DPF3: variants seen among roughly 807,000 people sequenced by gnomAD.
The protein encoded by DPF3 is double PHD fingers 3.
Under a neutral mutation model 56.8 loss-of-function variants are expected in DPF3, and 18 were observed. The ratio of observed to expected loss-of-function variants is 0.32; its 90% CI spans 0.22 to 0.47. The LOEUF is 0.47. Among genes scored for constraint, DPF3 ranks in the 20% least tolerant of loss-of-function variants. The pLI is 1.00. For missense variants in DPF3, 403 were observed against 488.8 expected (o/e 0.82, Z 1.65); for synonymous variants, 188 against 180.2 (o/e 1.04, Z -0.35).
chr14:72,798,845 C>T (rs747987), intron 1 of DPF3, among the ~76,000 whole-genome samples: 12,663 of 152,306 alleles, frequency 0.083, 779 homozygotes, highest in South Asian at 0.21. Context: ...ACTCCTTCCA[C>T]AATGGCAGAA....
intron 1 of DPF3, among the ~76,000 whole-genome samples, chr14:72,782,608 G>T (rs1892025379): frequency 6.6e-6 from 1 of 152,226 alleles, no homozygotes; most frequent in South Asian, 2.1e-4. Flanking sequence ...GCTGAGGTGG[G>T]TGGGTCACGA....
At chr14:72,877,834 C>A (rs1253383806) in intron 1 of DPF3, among the ~76,000 whole-genome samples, 1 of 152,124 alleles carries the variant, frequency 6.6e-6, no homozygotes, top group Non-Finnish European at 1.5e-5. Context: ...TCCCATCCCC[C>A]AGAGACATGT....
chr14:72,836,049 G>A, intron 1 of DPF3: 2 of 985,500 alleles, frequency 2.0e-6, no homozygotes, highest in Non-Finnish European at 2.4e-6. Flanking sequence ...GGAGATGCTG[G>A]AGACACAAGT....
chr14:72,664,821 G>A (rs1418696649), intron 8 of DPF3, among the ~76,000 whole-genome samples: 2 of 152,196 alleles, frequency 1.3e-5, no homozygotes, highest in African/African-American at 2.4e-5. Context: ...GTCAGGCACT[G>A]TCTGGAGGAT....
At chr14:72,806,523 A>G (rs2140010374) in intron 1 of DPF3, among the ~76,000 whole-genome samples, 1 of 152,192 alleles carries the variant, frequency 6.6e-6, no homozygotes, top group African/African-American at 2.4e-5. Flanking sequence ...GCACCTCCAC[A>G]CTCATTACCT....
chr14:72,674,334 A>T lies in DPF3; in HGVS notation c.777T>A (p.Asn259Lys), dbSNP rs1273201691. Residue 259 changes from asparagine to lysine, a missense_variant, in exon 8 of 11, where the codon AAT becomes AAA. By Grantham distance (94) the Asn-to-Lys change is moderately conservative. Transcript: ENST00000556509. ...QKGPDGTVIP[N>K]NYCDFCLGGS... ...CCCCCAAGCAGAAGTCACAGTAGTT[A>T]TTGGGAATGACTGTTCCATCCGGTC... 1 of 1,612,968 alleles carries T rather than the reference A, an allele frequency of 6.2e-7. No homozygotes were observed. Among genetic ancestry groups the T allele is most frequent in the East Asian group, 2.2e-5 (1 of 44,832 alleles).
chr14:72,764,738 G>A (rs1891206128), intron 2 of DPF3, among the ~76,000 whole-genome samples: 2 of 151,856 alleles, frequency 1.3e-5, no homozygotes, highest in Non-Finnish European at 1.5e-5. Flanking sequence ...TGATCCACCC[G>A]CCTCAGCCTC....
intron 3 of DPF3, among the ~76,000 whole-genome samples, chr14:72,743,250 A>G (rs1890200589): frequency 6.6e-6 from 1 of 152,196 alleles, no homozygotes; most frequent in East Asian, 1.9e-4. Context: ...ACAAGGCCTC[A>G]GGTGCATTCC....
intron 2 of DPF3, among the ~76,000 whole-genome samples, chr14:72,759,750 A>G (rs2139918006): frequency 6.6e-6 from 1 of 152,336 alleles, no homozygotes; most frequent in South Asian, 2.1e-4. Context: ...AAACTGCTCA[A>G]AAATAGTGAT....
intron 1 of DPF3, among the ~76,000 whole-genome samples, chr14:72,828,664 G>T (rs1216427184): frequency 6.6e-6 from 1 of 152,096 alleles, no homozygotes; most frequent in African/African-American, 2.4e-5. Context: ...ACCATGGGGT[G>T]AGGAGCAATG....
rs983737903 is a variant in DPF3, at chr14:72,618,372, GC to G, written c.*924del. ...CAGCATTCGGACACATGATTGGGCAGCCTTCGCTCCCCTTCCTGGTTCTTCA... is the reference window on the plus strand; with the variant it reads ...CAGCATTCGGACACATGATTGGGCAGCTTCGCTCCCCTTCCTGGTTCTTCA... On this transcript the variant is annotated 3_prime_UTR_variant, in exon 11 of 11. Coordinates refer to ENST00000556509, the MANE Select transcript of DPF3 (RefSeq NM_001280542.3). Among the ~76,000 whole-genome samples the G allele has an allele frequency of 6.6e-6, 1 of 152,218 alleles. No homozygotes were observed. The highest frequency in any genetic ancestry group is 1.5e-5 in the Non-Finnish European group (1 of 68,032).
At chr14:72,892,064 A>G in intron 1 of DPF3, 5 of 1,429,996 alleles carry the variant, frequency 3.5e-6, no homozygotes, top group Non-Finnish European at 4.6e-6. Flanking sequence ...GTAGGGGAAC[A>G]CAAGCTTAGA....
chr14:72,644,004 A>C lies in DPF3; in HGVS notation c.872-14268T>G, dbSNP rs745644937. Among the ~76,000 whole-genome samples, 47 of 152,098 alleles carry C rather than the reference A, an allele frequency of 3.1e-4. 1 individual carries two copies. Among genetic ancestry groups the C allele is most frequent in the Admixed American group, 5.2e-4 (8 of 15,278 alleles). ...CATTCTCCACCTCCCGATTTCCCCA[A>C]GTCATGAATTCACTTTCCAAGTTGC... On this transcript the variant is annotated intron_variant, in intron 8 of 10. Coordinates refer to ENST00000556509, the MANE Select transcript of DPF3 (RefSeq NM_001280542.3).
In DPF3 at chr14:72,753,021, C is replaced by T. The variant is rs111846547; in HGVS notation, c.301+243G>A. 5.1e-3 allele frequency among the ~76,000 whole-genome samples: 779 copies of T among 152,242 alleles called. 2 individuals are homozygous for T. The highest frequency in any genetic ancestry group is 8.5e-3 in the Non-Finnish European group (576 of 67,998). On this transcript the variant is annotated intron_variant, in intron 3 of 10. Transcript: ENST00000556509. Reference sequence around the variant, plus strand: ...CTGGGCTGGGGTGCAGCCTTTCTTTCCTCCCTGGGGTGGCAAAGGGAAGGC... The same window carrying T: ...CTGGGCTGGGGTGCAGCCTTTCTTTTCTCCCTGGGGTGGCAAAGGGAAGGC...
intron 1 of DPF3, among the ~76,000 whole-genome samples, chr14:72,833,896 A>G (rs1375726276): frequency 1.3e-5 from 2 of 152,144 alleles, no homozygotes; most frequent in African/African-American, 4.8e-5. Context: ...CAAAACCACA[A>G]TGAGGCCGGG....
At position 72,609,345 on chromosome 14, in the gene DPF3, G is replaced by C. The variant is rs1022066035; in HGVS notation, c.*9952C>G. Among the ~76,000 whole-genome samples, 3 of 152,222 alleles carry C rather than the reference G, an allele frequency of 2.0e-5. No homozygotes were observed. The highest frequency in any genetic ancestry group is 4.4e-5 in the Non-Finnish European group (3 of 68,038). The stretch of plus-strand genomic sequence containing the variant: ...GGTGGTCCTGGCACGTGGGCCACCA[G>C]TCTTCTGAATGAAGAGTGAGTCCCG... On this transcript the variant is annotated 3_prime_UTR_variant, in exon 11 of 11. Transcript: ENST00000556509.
In DPF3 at chr14:72,715,401, C is replaced by G. The variant is rs547866062; in HGVS notation, c.526-900G>C. 5.9e-5 allele frequency among the ~76,000 whole-genome samples: 9 copies of G among 152,272 alleles called. No individual in the cohort carries two copies. The South Asian group carries it at 1.7e-3, about 28-fold the overall frequency. On this transcript the variant is annotated intron_variant, in intron 5 of 10. Coordinates refer to ENST00000556509, the MANE Select transcript of DPF3 (RefSeq NM_001280542.3). ...CCCACACTGGTCACGTGTATAGCAC[C>G]CTCGCCTCTCCAGGTCATTCTTTGG...
chr14:72,750,581 C>G (rs1890521741), intron 3 of DPF3, among the ~76,000 whole-genome samples: 1 of 151,982 alleles, frequency 6.6e-6, no homozygotes, highest in African/African-American at 2.4e-5. Flanking sequence ...AAATTGAGAA[C>G]AGCCCGGTTA....
In DPF3 at chr14:72,636,718, G is replaced by A. The variant is rs144331485; in HGVS notation, c.872-6982C>T. ...GTAAACCTTCTGCAAAGGTCTGCAG[G>A]TTCACCTCTATCTGCCCCCAGATGT... On this transcript the variant is annotated intron_variant, in intron 8 of 10. Transcript: ENST00000556509. Among the ~76,000 whole-genome samples the A allele has an allele frequency of 3.6e-4, 55 of 152,294 alleles. No individual in the cohort carries two copies. The East Asian group carries it at 9.8e-3, about 27-fold the overall frequency.
Sources: gnomAD v4.1 joint callset for allele counts (sites outside exome capture counted in the v4.1 genomes callset) on GRCh38, gnomAD v4.1.1 for gene constraint, MANE v1.5 for transcripts, NCBI Gene and HGNC (gene_info 2026-07-23, HGNC 2026-07-21) for gene names.